Variants in HSD17B12 observed in about 807,000 individuals in gnomAD.
HSD17B12 encodes the protein very-long-chain 3-oxoacyl-CoA reductase.
A neutral mutation model predicts 39.3 loss-of-function variants in HSD17B12; 32 were observed. The ratio of observed to expected loss-of-function variants is 0.81; its 90% CI spans 0.61 to 1.09. HSD17B12 has a LOEUF of 1.09. Among genes scored for constraint, HSD17B12 ranks in the 50% least tolerant of loss-of-function variants. The pLI is 0.00. For synonymous variants in HSD17B12, 150 were observed against 146.7 expected (o/e 1.02, Z -0.16); for missense variants, 342 against 382.9 (o/e 0.89, Z 0.89).
the HSD17B12 span, among the ~76,000 whole-genome samples, chr11:43,561,283 T>TGCCCAGGGGTCTCCTG: frequency 6.6e-6 from 1 of 152,276 alleles, no homozygotes; most frequent in East Asian, 1.9e-4. Flanking sequence ...CTCTGAGGTC[T>TGCCCAGGGGTCTCCTG]GCCCAGGGGT....
chr11:43,686,533 A>G (rs1490855990), intron 1 of HSD17B12, among the ~76,000 whole-genome samples: 1 of 151,524 alleles, frequency 6.6e-6, no homozygotes, highest in Non-Finnish European at 1.5e-5. Flanking sequence ...TCCTGAGTTT[A>G]CATTCCCTGA....
At chr11:43,688,944 G>C (rs994815616) in intron 1 of HSD17B12, among the ~76,000 whole-genome samples, 1 of 152,108 alleles carries the variant, frequency 6.6e-6, no homozygotes, top group Non-Finnish European at 1.5e-5. Flanking sequence ...AGCATCATTT[G>C]TTTGTATAGA....
At chr11:43,566,624 G>T in the HSD17B12 span, among the ~76,000 whole-genome samples, 1 of 152,038 alleles carries the variant, frequency 6.6e-6, no homozygotes, top group South Asian at 2.1e-4. Flanking sequence ...CCTCCTCCCG[G>T]GTTCAAGCAA....
At chr11:43,654,754 T>C in the HSD17B12 span, among the ~76,000 whole-genome samples, 1 of 152,252 alleles carries the variant, frequency 6.6e-6, no homozygotes, top group Non-Finnish European at 1.5e-5. Flanking sequence ...CATTGGTTTA[T>C]ATCTCTGTTT....
chr11:43,809,563 A>C (rs1254199131), intron 4 of HSD17B12, among the ~76,000 whole-genome samples: 1 of 152,198 alleles, frequency 6.6e-6, no homozygotes, highest in Admixed American at 6.5e-5. Context: ...TCACACCTGT[A>C]ATCCCAGCAC....
the HSD17B12 span, among the ~76,000 whole-genome samples, chr11:43,633,012 T>A: frequency 6.6e-6 from 1 of 152,200 alleles, no homozygotes; most frequent in Middle Eastern, 3.2e-3. Flanking sequence ...GGTTTTGAAA[T>A]ATAAATTTAA....
rs60140879 is a variant in HSD17B12, at chr11:43,792,682, CTTTTTTTTTTTT to C, written c.284-5627_284-5616del. On this transcript the variant is annotated intron_variant, in intron 3 of 10. Coordinates refer to ENST00000278353, the MANE Select transcript of HSD17B12 (RefSeq NM_016142.3). ...GAACTGAATTGTCTCTCAATGTAAC[CTTTTTTTTTTTT>C]TTTTTTTTTTGAGAGCTGGAGTCTT... 7.9e-5 allele frequency among the ~76,000 whole-genome samples: 8 copies of C among 101,302 alleles called. No individual in the cohort carries two copies. The Admixed American group carries it at 8.5e-4, about 11-fold the overall frequency. The allele number at this position is 101,302 out of a possible 152,430, so 66.5% of individuals were successfully genotyped here.
the HSD17B12 span, among the ~76,000 whole-genome samples, chr11:43,655,441 T>A: frequency 2.6e-5 from 4 of 152,258 alleles, no homozygotes; most frequent in South Asian, 2.1e-4. Context: ...TCCAACACTA[T>A]GTTGAATAGG....
the HSD17B12 span, among the ~76,000 whole-genome samples, chr11:43,622,424 C>A: frequency 1.3e-5 from 2 of 151,360 alleles, no homozygotes; most frequent in Admixed American, 6.6e-5. Flanking sequence ...AGCAAGACCT[C>A]CATTTCTACA....
the HSD17B12 span, among the ~76,000 whole-genome samples, chr11:43,575,455 G>T: frequency 6.6e-6 from 1 of 152,342 alleles, no homozygotes; most frequent in Admixed American, 6.5e-5. The surrounding 1 kb of genome is among the most constrained non-coding windows in gnomAD (Gnocchi z 4.1). Flanking sequence ...GAAAGGACGC[G>T]CGCGGGAGCG....
intron 3 of HSD17B12, among the ~76,000 whole-genome samples, chr11:43,777,198 G>T (rs901021706): frequency 1.3e-5 from 2 of 151,648 alleles, no homozygotes; most frequent in African/African-American, 4.9e-5. Context: ...GCCTTGGGCA[G>T]TATGGCCATT....
At chr11:43,634,578 T>C in the HSD17B12 span, among the ~76,000 whole-genome samples, 1 of 152,148 alleles carries the variant, frequency 6.6e-6, no homozygotes, top group Non-Finnish European at 1.5e-5. Flanking sequence ...TGTGACTACG[T>C]TTAAGTATTG....
chr11:43,660,841 C>T, the HSD17B12 span, among the ~76,000 whole-genome samples: 2 of 152,176 alleles, frequency 1.3e-5, no homozygotes, highest in Admixed American at 6.5e-5. Flanking sequence ...AAGGAACAGA[C>T]TGGCCGGGTT....
the HSD17B12 span, among the ~76,000 whole-genome samples, chr11:43,596,917 C>T: frequency 1.3e-5 from 2 of 152,340 alleles, no homozygotes; most frequent in East Asian, 1.9e-4. Flanking sequence ...CTCTCCTCTT[C>T]GTGGAATAAC....
intron 1 of HSD17B12, among the ~76,000 whole-genome samples, chr11:43,749,715 G>C (rs1020748182): frequency 1.3e-5 from 2 of 151,818 alleles, no homozygotes; most frequent in Non-Finnish European, 1.5e-5. Flanking sequence ...GAGAGATATG[G>C]CTAGGGAGAC....
At chr11:43,658,657 A>T in the HSD17B12 span, among the ~76,000 whole-genome samples, 12 of 152,160 alleles carry the variant, frequency 7.9e-5, no homozygotes, top group Admixed American at 7.9e-4. Flanking sequence ...CTGGAGGTCC[A>T]CCCCAGACCC....
In HSD17B12 at chr11:43,690,389, TATATATATA is replaced by T. The variant is rs1420065853; in HGVS notation, c.160+9403_160+9411del. Among the ~76,000 whole-genome samples, 72 of 26,726 alleles carry T rather than the reference TATATATATA, an allele frequency of 2.7e-3. 10 individuals carry two copies. The highest frequency in any genetic ancestry group is 7.0e-3 in the African/African-American group (37 of 5,316). 17.5% of individuals were successfully genotyped at this position (26,726 alleles called of 152,430 possible). ...ATATATATATATATATATATATATATATATATATATATATATTTTTTTTTTTTTTTTTCT... is the reference window on the plus strand; with the variant it reads ...ATATATATATATATATATATATATATTATATATTTTTTTTTTTTTTTTTCT... On this transcript the variant is annotated intron_variant, in intron 1 of 10. Coordinates refer to ENST00000278353, the MANE Select transcript of HSD17B12 (RefSeq NM_016142.3).
the HSD17B12 span, among the ~76,000 whole-genome samples, chr11:43,626,901 T>C: frequency 6.6e-6 from 1 of 152,046 alleles, no homozygotes; most frequent in Non-Finnish European, 1.5e-5. Context: ...TTTAGAACCT[T>C]CAAACTGATA....
chr11:43,720,265 A>G (rs969442181), intron 1 of HSD17B12, among the ~76,000 whole-genome samples: 1 of 152,190 alleles, frequency 6.6e-6, no homozygotes, highest in Non-Finnish European at 1.5e-5. Context: ...TCTCTTCTCC[A>G]TACTTTATCA....
Sources: gnomAD v4.1 joint callset for allele counts (sites outside exome capture counted in the v4.1 genomes callset) on GRCh38, gnomAD v4.1.1 for gene constraint, Gnocchi (gnomAD v3.1) non-coding constraint, MANE v1.5 for transcripts, NCBI Gene and HGNC (gene_info 2026-07-23, HGNC 2026-07-21) for gene names.